Variants in TENM3 observed in about 807,000 individuals in gnomAD.
TENM3 encodes teneurin-3.
TENM3 carries 63 observed loss-of-function variants against 255.1 expected under a neutral mutation model. That is an observed-to-expected ratio of 0.25 (90% confidence interval 0.20 to 0.30). The LOEUF (loss-of-function observed/expected upper bound fraction) is 0.30. Among genes scored for constraint, TENM3 ranks in the 10% least tolerant of loss-of-function variants. The probability of loss-of-function intolerance (pLI) is 1.00; values close to 1 mark genes in which losing one functional copy is unlikely to be tolerated. For missense variants in TENM3, 2,929 were observed against 3,461.1 expected (o/e 0.85, Z 3.86); for synonymous variants, 1,306 against 1,322.3 (o/e 0.99, Z 0.27).
the TENM3 span, among the ~76,000 whole-genome samples, chr4:182,084,512 C>T: frequency 1.3e-5 from 2 of 152,168 alleles, no homozygotes; most frequent in African/African-American, 4.8e-5. Context: ...TGGTTTTTCA[C>T]TCCCACTAAT....
At chr4:181,923,982 A>G in the TENM3 span, among the ~76,000 whole-genome samples, 4 of 152,136 alleles carry the variant, frequency 2.6e-5, no homozygotes, top group Non-Finnish European at 5.9e-5. Context: ...GTTGGGAAAG[A>G]CAGTCCCCCC....
At chr4:182,647,335 T>G (rs1195883688) in intron 5 of TENM3, among the ~76,000 whole-genome samples, 1 of 152,232 alleles carries the variant, frequency 6.6e-6, no homozygotes, top group African/African-American at 2.4e-5. Context: ...GTTTTTATAG[T>G]ATGAAACTAA....
the TENM3 span, among the ~76,000 whole-genome samples, chr4:181,817,174 A>G: frequency 2.0e-5 from 3 of 152,132 alleles, no homozygotes; most frequent in African/African-American, 7.2e-5. Context: ...AAAGTTTAGG[A>G]TTACTTTAAA....
chr4:181,947,044 C>A, the TENM3 span, among the ~76,000 whole-genome samples: 1 of 152,318 alleles, frequency 6.6e-6, no homozygotes. Flanking sequence ...GCTTTGACTT[C>A]CTCATCTATA....
Position 182,365,696 on chromosome 4 carries a change from C to G in TENM3, c.511+18767C>G, listed in dbSNP as rs542021794. On this transcript the variant is annotated intron_variant, in intron 3 of 27. Transcript: ENST00000511685. ...CTTTTCATCAATCCATAGAGTGTTG[C>G]AAAAGATGCAGGAGATACATAGGGA... Among the ~76,000 whole-genome samples the G allele has an allele frequency of 2.0e-5, 3 of 152,150 alleles. No homozygotes were observed. In the South Asian group the frequency reaches 6.2e-4, roughly 32 times the overall value.
chr4:182,333,814 C>T (rs980023769), intron 2 of TENM3, among the ~76,000 whole-genome samples: 1 of 151,848 alleles, frequency 6.6e-6, no homozygotes, highest in African/African-American at 2.4e-5. Context: ...ATACAAAAAC[C>T]ATGTGTCTCT....
At chr4:182,174,350 CT>C (rs1752305411) in intron 1 of TENM3, among the ~76,000 whole-genome samples, 1 of 148,430 alleles carries the variant, frequency 6.7e-6, no homozygotes, top group Non-Finnish European at 1.5e-5. Context: ...CCTCATTCTT[CT>C]GGGATTCTTG....
chr4:182,426,007 C>CAAAAAAAAACAAAAAAAAAAAAAAAAAAA (rs1771184952), intron 3 of TENM3, among the ~76,000 whole-genome samples: 1 of 90,762 alleles, frequency 1.1e-5, no homozygotes. Context: ...GAGTCCATGT[C>CAAAAAAAAACAAAAAAAAAAAAAAAAAAA]AAAAAAAAAA....
chr4:181,984,948 A>C, the TENM3 span, among the ~76,000 whole-genome samples: 1 of 151,944 alleles, frequency 6.6e-6, no homozygotes, highest in Non-Finnish European at 1.5e-5. Flanking sequence ...GAGAAATCAA[A>C]TTATACTGGG....
intron 3 of TENM3, among the ~76,000 whole-genome samples, chr4:182,598,417 T>G (rs1045641317): frequency 2.0e-5 from 3 of 152,172 alleles, no homozygotes; most frequent in African/African-American, 4.8e-5. Flanking sequence ...GTGTGGTGTC[T>G]TGTACGCTGT....
chr4:181,792,431 G>A, the TENM3 span, among the ~76,000 whole-genome samples: 8 of 152,176 alleles, frequency 5.3e-5, 1 homozygote, highest in Admixed American at 2.0e-4. Context: ...TAACTCAAAA[G>A]CAATATACCG....
At chr4:182,682,226 G>A (rs1215805240) in intron 11 of TENM3, among the ~76,000 whole-genome samples, 1 of 152,106 alleles carries the variant, frequency 6.6e-6, no homozygotes, top group Non-Finnish European at 1.5e-5. Context: ...TTCCCCTTTA[G>A]TATTATGCGG....
At chr4:181,676,168 A>G in the TENM3 span, among the ~76,000 whole-genome samples, 4 of 152,094 alleles carry the variant, frequency 2.6e-5, no homozygotes, top group African/African-American at 7.2e-5. Context: ...GTTAAATTGG[A>G]CTTACAATTC....
chr4:182,086,408 A>G, the TENM3 span, among the ~76,000 whole-genome samples: 5 of 152,232 alleles, frequency 3.3e-5, no homozygotes, highest in African/African-American at 4.8e-5. Flanking sequence ...AAGAAAGAAA[A>G]GGAAACATTT....
At chr4:182,637,929 G>A (rs1261663243) in intron 5 of TENM3, among the ~76,000 whole-genome samples, 1 of 152,118 alleles carries the variant, frequency 6.6e-6, no homozygotes, top group Non-Finnish European at 1.5e-5. Context: ...CAGATTCTAA[G>A]TGTTACCACA....
the TENM3 span, among the ~76,000 whole-genome samples, chr4:181,582,669 C>CAAAAAAA: frequency 2.4e-5 from 3 of 124,718 alleles, no homozygotes; most frequent in African/African-American, 3.1e-5. Context: ...CAAAACAAAT[C>CAAAAAAA]AAAAAAAAAA....
chr4:181,627,057 T>C, the TENM3 span, among the ~76,000 whole-genome samples: 4 of 152,242 alleles, frequency 2.6e-5, no homozygotes, highest in East Asian at 7.8e-4. Flanking sequence ...AACATGGAGA[T>C]CTTATCTGAC....
At chr4:182,012,039 T>C in the TENM3 span, among the ~76,000 whole-genome samples, 17 of 152,162 alleles carry the variant, frequency 1.1e-4, no homozygotes, top group African/African-American at 4.1e-4. Context: ...TGCAAACATA[T>C]GAATGACAAG....
rs998621962 is a variant in TENM3 at position 182,664,185 on chromosome 4, C to T, written c.1112-8820C>T. Among the ~76,000 whole-genome samples the T allele has an allele frequency of 2.0e-5, 3 of 152,192 alleles. No homozygotes were observed. The East Asian group carries it at 5.8e-4, about 29-fold the overall frequency. Reference sequence around the variant, plus strand: ...CTGCGTCAAGCAAGTCTATCGGCACCATTTTTCCAACAGCATGTGCTCACA... The same window carrying T: ...CTGCGTCAAGCAAGTCTATCGGCACTATTTTTCCAACAGCATGTGCTCACA... On this transcript the variant is annotated intron_variant, in intron 6 of 27. Transcript: ENST00000511685.
Sources: gnomAD v4.1 joint callset for allele counts (sites outside exome capture counted in the v4.1 genomes callset) on GRCh38, gnomAD v4.1.1 for gene constraint, MANE v1.5 for transcripts, NCBI Gene and HGNC (gene_info 2026-07-23, HGNC 2026-07-21) for gene names.